GALNTL6: variants seen among roughly 807,000 people sequenced by gnomAD.
GALNTL6 encodes polypeptide N-acetylgalactosaminyltransferase-like 6.
Under a neutral mutation model 73.7 loss-of-function variants are expected in GALNTL6, and 46 were observed. That is an observed-to-expected ratio of 0.62 (90% confidence interval 0.49 to 0.80). GALNTL6 has a LOEUF of 0.80. Among genes scored for constraint, GALNTL6 ranks in the 30% least tolerant of loss-of-function variants. The pLI is 0.00. For missense variants in GALNTL6, 604 were observed against 755.0 expected (o/e 0.80, Z 2.34); for synonymous variants, 259 against 263.7 (o/e 0.98, Z 0.17).
At chr4:172,724,835 G>A (rs892995167) in intron 5 of GALNTL6, among the ~76,000 whole-genome samples, 6 of 152,062 alleles carry the variant, frequency 3.9e-5, no homozygotes, top group African/African-American at 1.4e-4. Context: ...CAAGGAATCT[G>A]GGATTCAAGA....
At chr4:172,192,840 C>A (rs1343768634) in intron 2 of GALNTL6, among the ~76,000 whole-genome samples, 1 of 152,150 alleles carries the variant, frequency 6.6e-6, no homozygotes, top group African/African-American at 2.4e-5. Context: ...CACTGTGGCT[C>A]CAGTCTGCCA....
chr4:172,769,909 G>T (rs537774547), intron 5 of GALNTL6, among the ~76,000 whole-genome samples: 4 of 152,030 alleles, frequency 2.6e-5, no homozygotes, highest in African/African-American at 9.7e-5. Context: ...CTATTTAACC[G>T]GTTTGACCCT....
chr4:171,878,573 C>T (rs986202824), intron 2 of GALNTL6, among the ~76,000 whole-genome samples: 2 of 152,074 alleles, frequency 1.3e-5, no homozygotes, highest in African/African-American at 2.4e-5. Flanking sequence ...TATCTTCCTT[C>T]ATGTATATTA....
intron 3 of GALNTL6, among the ~76,000 whole-genome samples, chr4:172,298,077 T>A (rs1166889806): frequency 6.6e-6 from 1 of 152,210 alleles, no homozygotes; most frequent in Admixed American, 6.5e-5. Flanking sequence ...ACATCCCTTG[T>A]AAGTTGGATT....
intron 5 of GALNTL6, among the ~76,000 whole-genome samples, chr4:172,576,055 C>A (rs553376595): frequency 6.6e-6 from 1 of 152,254 alleles, no homozygotes; most frequent in East Asian, 1.9e-4. Context: ...GTTTTCTTTT[C>A]TTTTCATCCA....
intron 2 of GALNTL6, among the ~76,000 whole-genome samples, chr4:171,859,258 G>A (rs1735768943): frequency 6.6e-6 from 1 of 152,138 alleles, no homozygotes; most frequent in African/African-American, 2.4e-5. Context: ...TTATACAGTG[G>A]TTATCCAGGC....
intron 5 of GALNTL6, among the ~76,000 whole-genome samples, chr4:172,646,313 C>T (rs1740240366): frequency 6.6e-6 from 1 of 151,972 alleles, no homozygotes; most frequent in Non-Finnish European, 1.5e-5. Flanking sequence ...AGCATTTTAA[C>T]AATATCAAGT....
At chr4:172,606,693 A>G (rs1738315329) in intron 5 of GALNTL6, among the ~76,000 whole-genome samples, 2 of 114,490 alleles carry the variant, frequency 1.7e-5, no homozygotes, top group South Asian at 2.7e-4. Context: ...TATAGTATAT[A>G]TATATAGTGT....
chr4:172,028,511 C>T (rs1022326899), intron 2 of GALNTL6, among the ~76,000 whole-genome samples: 2 of 151,904 alleles, frequency 1.3e-5, no homozygotes, highest in Admixed American at 1.3e-4. Flanking sequence ...GATTCCTACA[C>T]AAAAGAAATT....
At chr4:172,588,890 G>A (rs1737529396) in intron 5 of GALNTL6, among the ~76,000 whole-genome samples, 1 of 152,118 alleles carries the variant, frequency 6.6e-6, no homozygotes, top group Non-Finnish European at 1.5e-5. Flanking sequence ...TGAAGGCAAT[G>A]GTGCAGAAGG....
intron 5 of GALNTL6, among the ~76,000 whole-genome samples, chr4:172,631,292 A>C (rs71607889): frequency 0.027 from 4,069 of 151,864 alleles, 82 homozygotes; most frequent in Admixed American, 0.04. Context: ...CTACAGGCAC[A>C]CACCACCATG....
intron 5 of GALNTL6, among the ~76,000 whole-genome samples, chr4:172,444,449 G>A (rs1731947003): frequency 6.6e-6 from 1 of 152,102 alleles, no homozygotes; most frequent in South Asian, 2.1e-4. Flanking sequence ...TTGAAGAAGG[G>A]CCAATGACTT....
intron 5 of GALNTL6, among the ~76,000 whole-genome samples, chr4:172,488,760 G>C (rs1425545945): frequency 1.3e-5 from 2 of 150,634 alleles, no homozygotes; most frequent in East Asian, 4.0e-4. Flanking sequence ...AGAATTTACA[G>C]ACAGATTTCA....
chr4:172,594,430 T>G (rs1322176321), intron 5 of GALNTL6, among the ~76,000 whole-genome samples: 1 of 152,220 alleles, frequency 6.6e-6, no homozygotes, highest in Non-Finnish European at 1.5e-5. Flanking sequence ...AACTCTTATG[T>G]GATAAATGTA....
intron 2 of GALNTL6, among the ~76,000 whole-genome samples, chr4:172,103,119 G>A (rs113229041): frequency 6.6e-6 from 1 of 152,132 alleles, no homozygotes; most frequent in East Asian, 1.9e-4. Flanking sequence ...ACTCCTTCTA[G>A]AGAGACTGCA....
At chr4:172,699,087 T>C (rs957417844) in intron 5 of GALNTL6, among the ~76,000 whole-genome samples, 1 of 152,144 alleles carries the variant, frequency 6.6e-6, no homozygotes, top group African/African-American at 2.4e-5. Context: ...CTTATAGCTG[T>C]GCTTCCACAT....
At chr4:172,958,279 C>T (rs1166526518) in intron 10 of GALNTL6, among the ~76,000 whole-genome samples, 1 of 152,158 alleles carries the variant, frequency 6.6e-6, no homozygotes, top group Non-Finnish European at 1.5e-5. Flanking sequence ...ACAGTAAGGT[C>T]AAGTTGTTTG....
chr4:173,012,208 G>C (rs997210982), intron 11 of GALNTL6, among the ~76,000 whole-genome samples: 1 of 152,126 alleles, frequency 6.6e-6, no homozygotes, highest in South Asian at 2.1e-4. Context: ...TCCCAGTAAG[G>C]CGTTACTGCC....
chr4:172,933,350 C>G (rs1454561043), intron 9 of GALNTL6, among the ~76,000 whole-genome samples: 1 of 151,788 alleles, frequency 6.6e-6, no homozygotes, highest in East Asian at 1.9e-4. Context: ...TGTGCTGATC[C>G]AAAAGGAGCT....
Sources: gnomAD v4.1 joint callset for allele counts (sites outside exome capture counted in the v4.1 genomes callset) on GRCh38, gnomAD v4.1.1 for gene constraint, MANE v1.5 for transcripts, NCBI Gene and HGNC (gene_info 2026-07-23, HGNC 2026-07-21) for gene names.